ZHX3: variants seen among roughly 807,000 people sequenced by gnomAD.
ZHX3 encodes the protein zinc fingers and homeoboxes protein 3.
Under a neutral mutation model 64.5 loss-of-function variants are expected in ZHX3, and 20 were observed. The ratio of observed to expected loss-of-function variants is 0.31; its 90% confidence interval spans 0.22 to 0.45. The LOEUF is 0.45. Among genes scored for constraint, ZHX3 ranks in the 20% least tolerant of loss-of-function variants. The pLI is 1.00. For missense variants in ZHX3, 1,041 were observed against 1,195.8 expected, an observed-to-expected ratio of 0.87 and a Z score of 1.91; for synonymous variants, 423 against 461.6, an observed-to-expected ratio of 0.92 and a Z score of 1.07.
intron 2 of ZHX3, among the ~76,000 whole-genome samples, chr20:41,244,720 G>A (rs1466339363): frequency 1.3e-5 from 2 of 152,150 alleles, no homozygotes; most frequent in Non-Finnish European, 2.9e-5. Context: ...CAACCAGGGG[G>A]AATGCTAATA....
At chr20:41,238,036 T>C (rs1600463074) in intron 2 of ZHX3, among the ~76,000 whole-genome samples, 1 of 152,238 alleles carries the variant, frequency 6.6e-6, no homozygotes, top group African/African-American at 2.4e-5. Context: ...CTAATGGCAA[T>C]GTGCACACAG....
chr20:41,189,461 T>TC (rs1479995825), intron 3 of ZHX3, among the ~76,000 whole-genome samples: 3 of 152,242 alleles, frequency 2.0e-5, no homozygotes, highest in African/African-American at 7.2e-5. Flanking sequence ...ATTTTTCCAA[T>TC]CCATAAGCTT....
intron 3 of ZHX3, among the ~76,000 whole-genome samples, chr20:41,190,396 C>G (rs532217405): frequency 1.3e-5 from 2 of 152,324 alleles, no homozygotes; most frequent in African/African-American, 4.8e-5. Flanking sequence ...GTCTCAAGCT[C>G]CTGACCTCAG....
chr20:41,283,666 A>G (rs1449785755), intron 1 of ZHX3, among the ~76,000 whole-genome samples: 1 of 152,198 alleles, frequency 6.6e-6, no homozygotes. Context: ...CTGAGGCAGT[A>G]GAATGATGTG....
At chr20:41,316,265 C>T (rs1348452829) in intron 1 of ZHX3, among the ~76,000 whole-genome samples, 1 of 152,190 alleles carries the variant, frequency 6.6e-6, no homozygotes, top group African/African-American at 2.4e-5. Context: ...CATTCATTTT[C>T]TATGTGTCTT....
At chr20:41,233,746 T>C (rs1473529830) in intron 2 of ZHX3, among the ~76,000 whole-genome samples, 1 of 152,144 alleles carries the variant, frequency 6.6e-6, no homozygotes, top group East Asian at 1.9e-4. Context: ...AGAACAGAAC[T>C]TACATCCTGT....
chr20:41,215,548 A>G (rs1018379845), intron 2 of ZHX3, among the ~76,000 whole-genome samples: 1 of 152,128 alleles, frequency 6.6e-6, no homozygotes, highest in Non-Finnish European at 1.5e-5. Context: ...AAGGAATTCA[A>G]ATACTTAGAA....
intron 2 of ZHX3, among the ~76,000 whole-genome samples, chr20:41,245,684 T>A (rs938405544): frequency 6.6e-6 from 1 of 152,222 alleles, no homozygotes; most frequent in South Asian, 2.1e-4. Flanking sequence ...TAATTCCAAC[T>A]GTTTGGGCAG....
chr20:41,178,711 C>T lies in ZHX3; in HGVS notation c.*6480G>A, dbSNP rs568911143. On this transcript the variant is annotated 3_prime_UTR_variant, in exon 4 of 4. Coordinates refer to ENST00000683867, the MANE Select transcript of ZHX3 (RefSeq NM_001384317.1). ...CCACAGTCCAAACCGAAGTTAAGTTCCATTTTTTTGTTAAAACGTTTACCC... is the reference window on the plus strand; with the variant it reads ...CCACAGTCCAAACCGAAGTTAAGTTTCATTTTTTTGTTAAAACGTTTACCC... The T allele has an allele frequency of 3.3e-5, 5 of 152,742 alleles. No homozygotes were observed. In the South Asian group the frequency reaches 1.0e-3, roughly 32 times the overall value. The allele number at this position is 152,742 out of a possible 1,614,324, so 9.5% of individuals were successfully genotyped here.
rs2036387239 is a variant in ZHX3, at chr20:41,184,893, G to A, written c.*298C>T. 6.6e-7 allele frequency: 1 copy of A among 1,521,454 alleles called. No individual in the cohort carries two copies. The highest frequency in any genetic ancestry group is 8.8e-7 in the Non-Finnish European group (1 of 1,136,164). The allele number at this position is 1,521,454 out of a possible 1,614,324, so 94.2% of individuals were successfully genotyped here. A position where few individuals can be genotyped will look rare whatever the true frequency, so the allele number is the denominator to read the frequency against. On this transcript the variant is annotated 3_prime_UTR_variant, in exon 4 of 4. Transcript: ENST00000683867. ...GTATATGTTAAAAGCTTGATTCTGT[G>A]TCTATGAATATGACTATGAACTCTG...
chr20:41,211,626 A>G (rs2039163548), intron 2 of ZHX3, among the ~76,000 whole-genome samples: 1 of 152,186 alleles, frequency 6.6e-6, no homozygotes, highest in African/African-American at 2.4e-5. Context: ...ACCAAACATT[A>G]CGTTATAAAC....
At chr20:41,197,253 AT>A (rs1214268876) in intron 3 of ZHX3, 1 of 146,614 alleles carries the variant, frequency 6.8e-6, no homozygotes, top group Non-Finnish European at 1.5e-5. Flanking sequence ...ATACATATAT[AT>A]TTTATATATA....
At chr20:41,217,495 A>G (rs1384643530) in intron 2 of ZHX3, among the ~76,000 whole-genome samples, 1 of 152,182 alleles carries the variant, frequency 6.6e-6, no homozygotes, top group Non-Finnish European at 1.5e-5. Context: ...TTTAAAAAAC[A>G]TTCTGTTTTA....
intron 3 of ZHX3, among the ~76,000 whole-genome samples, chr20:41,186,075 T>C (rs2036494622): frequency 6.6e-6 from 1 of 152,268 alleles, no homozygotes; most frequent in South Asian, 2.1e-4. Context: ...ACATTTACAA[T>C]GTTATAAAAC....
intron 1 of ZHX3, among the ~76,000 whole-genome samples, chr20:41,270,677 GAAA>G (rs11317009): frequency 2.2e-5 from 3 of 138,926 alleles, no homozygotes; most frequent in Admixed American, 7.2e-5. Context: ...CTCCGTCTCA[GAAA>G]AAAAAAAAAA....
intron 2 of ZHX3, among the ~76,000 whole-genome samples, chr20:41,261,658 T>G (rs1257302491): frequency 2.0e-5 from 3 of 152,260 alleles, no homozygotes; most frequent in Admixed American, 6.5e-5. Flanking sequence ...TGTATTACAG[T>G]GCTCAATATG....
At chr20:41,221,229 C>T (rs1308877963) in intron 2 of ZHX3, among the ~76,000 whole-genome samples, 1 of 152,144 alleles carries the variant, frequency 6.6e-6, no homozygotes, top group Admixed American at 6.5e-5. Context: ...GTATTTATCA[C>T]CTTCCTTAAA....
intron 1 of ZHX3, among the ~76,000 whole-genome samples, chr20:41,300,762 G>C (rs546278406): frequency 5.3e-5 from 8 of 152,300 alleles, no homozygotes; most frequent in African/African-American, 1.7e-4. Flanking sequence ...GGGAAGCCAG[G>C]AGGACCAACT....
intron 2 of ZHX3, among the ~76,000 whole-genome samples, chr20:41,223,178 A>G (rs555627442): frequency 6.6e-6 from 1 of 152,338 alleles, no homozygotes; most frequent in East Asian, 1.9e-4. Context: ...TGAGTTGGCA[A>G]GGGTTTGCAG....
Sources: gnomAD v4.1 joint callset for allele counts (sites outside exome capture counted in the v4.1 genomes callset) on GRCh38, gnomAD v4.1.1 for gene constraint, MANE v1.5 for transcripts, NCBI Gene and HGNC (gene_info 2026-07-23, HGNC 2026-07-21) for gene names.